IMPG1: variants seen among roughly 807,000 people sequenced by gnomAD.
The protein encoded by IMPG1 is interphotoreceptor matrix proteoglycan of 150 kDa.
A neutral mutation model predicts 92.0 loss-of-function variants in IMPG1; 85 were observed. That is an observed-to-expected ratio of 0.92 (90% CI 0.78 to 1.11). The LOEUF (loss-of-function observed/expected upper bound fraction) is 1.11. Among genes scored for constraint, IMPG1 ranks in the 50% least tolerant of loss-of-function variants. The probability of loss-of-function intolerance (pLI) is 0.00; values close to 1 mark genes in which losing one functional copy is unlikely to be tolerated. For synonymous variants in IMPG1, 367 were observed against 334.1 expected, an observed-to-expected ratio of 1.10 and a Z score of -1.08; for missense variants, 1,022 against 956.0, an observed-to-expected ratio of 1.07 and a Z score of -0.91.
intron 4 of IMPG1, among the ~76,000 whole-genome samples, chr6:76,025,665 T>C (rs1235681590): frequency 6.6e-6 from 1 of 152,190 alleles, no homozygotes; most frequent in East Asian, 1.9e-4. Context: ...AGCCTGCATA[T>C]CCAGAGTCAT....
At chr6:75,987,472 C>T (rs982658412) in intron 12 of IMPG1, among the ~76,000 whole-genome samples, 3 of 149,122 alleles carry the variant, frequency 2.0e-5, no homozygotes, top group Admixed American at 1.3e-4. Context: ...GCCCCCACCC[C>T]ACCACAGGCT....
chr6:76,049,198 G>A (rs577242101), intron 1 of IMPG1, among the ~76,000 whole-genome samples: 57 of 152,304 alleles, frequency 3.7e-4, no homozygotes, highest in Admixed American at 1.1e-3. Flanking sequence ...TCAGAGAGTG[G>A]AGGGTGGTTG....
chr6:76,004,078 G>A (rs2149477206), intron 10 of IMPG1, 128 bp from the exon 11 acceptor site: 2 of 634,230 alleles, frequency 3.2e-6, no homozygotes, highest in East Asian at 2.9e-5. Context: ...CAAATCATTA[G>A]GAAACCAGAG....
intron 9 of IMPG1, among the ~76,000 whole-genome samples, chr6:76,006,386 T>C (rs1290116370): frequency 6.8e-6 from 1 of 147,780 alleles, no homozygotes; most frequent in South Asian, 2.1e-4. Context: ...ATATGTAAAA[T>C]ATATATATAT....
Position 76,025,241 on chromosome 6 carries a change from G to A in IMPG1, c.515C>T (p.Ala172Val), listed in dbSNP as rs1334512351. Residue 172 changes from alanine to valine, a missense_variant, in exon 5 of 17, where the codon GCA (alanine) becomes GTA (valine). By Grantham distance (64) the Ala-to-Val change is moderately conservative (BLOSUM62 0). Around this residue, in one of 3 missense-constraint regions of IMPG1, gnomAD observed 681 missense variants for 583.6 expected, o/e 1.17. Transcript: ENST00000369950. ...ACCAGGCTCTCCCAATGTCTTCTCT[G>A]CAGATATTTCATCTTTTCTATTAGT... ...SFPDRKDEIS[A>V]EKTLGEPGET... 2 of 1,594,242 alleles carry A rather than the reference G, an allele frequency of 1.3e-6. No homozygotes were observed. Among genetic ancestry groups the A allele is most frequent in the African/African-American group, 1.3e-5 (1 of 74,490 alleles).
intron 1 of IMPG1, among the ~76,000 whole-genome samples, chr6:76,042,777 T>A (rs977889520): frequency 6.6e-6 from 1 of 152,164 alleles, no homozygotes; most frequent in Non-Finnish European, 1.5e-5. Flanking sequence ...TGGCAGAGAA[T>A]GTAACTCTCT....
At chr6:75,993,516 AAGAG>A (rs963983357) in intron 12 of IMPG1, among the ~76,000 whole-genome samples, 4 of 151,498 alleles carry the variant, frequency 2.6e-5, no homozygotes, top group Non-Finnish European at 1.5e-5. Context: ...GAGAGAAAGA[AAGAG>A]AGAGAGAGAA....
chr6:75,983,946 GC>G (rs1316074946), intron 12 of IMPG1, among the ~76,000 whole-genome samples: 27 of 152,120 alleles, frequency 1.8e-4, no homozygotes, highest in Non-Finnish European at 1.9e-4. Flanking sequence ...CACCCAAATG[GC>G]CAACAGGTAT....
intron 15 of IMPG1, among the ~76,000 whole-genome samples, chr6:75,924,500 A>ATATAATTAATATAATTATATAT (rs1781490279): frequency 3.5e-5 from 3 of 86,732 alleles, no homozygotes; most frequent in Non-Finnish European, 6.4e-5. Flanking sequence ...TAATATAATT[A>ATATAATTAATATAATTATATAT]TATAATATAA....
intron 12 of IMPG1, among the ~76,000 whole-genome samples, chr6:75,974,380 TTTCTTTCTTTCTTTTC>T (rs1469806535): frequency 1.3e-4 from 10 of 76,366 alleles, no homozygotes; most frequent in African/African-American, 4.1e-4. Context: ...TCTTTCTTTC[TTTCTTTCTTTCTTTTC>T]TTTCTTTCCT....
intron 1 of IMPG1, among the ~76,000 whole-genome samples, chr6:76,058,572 TGTTCTGTGCAGAATGAA>T (rs1784156845): frequency 1.3e-5 from 2 of 152,198 alleles, no homozygotes; most frequent in Admixed American, 1.3e-4. Flanking sequence ...GTGGCAGAGC[TGTTCTGTGCAGAATGAA>T]GTTCTGTGCA....
chr6:75,967,911 A>G (rs1782335777), intron 12 of IMPG1, among the ~76,000 whole-genome samples: 1 of 152,174 alleles, frequency 6.6e-6, no homozygotes, highest in East Asian at 1.9e-4. Flanking sequence ...GAGCTATGGA[A>G]CCCATGAACC....
At chr6:75,949,833 T>C (rs1781993659) in intron 13 of IMPG1, among the ~76,000 whole-genome samples, 1 of 152,190 alleles carries the variant, frequency 6.6e-6, no homozygotes, top group Non-Finnish European at 1.5e-5. Context: ...GTGTAATAAT[T>C]TAACTTATAT....
At chr6:75,994,162 C>A (rs1782860386) in intron 12 of IMPG1, among the ~76,000 whole-genome samples, 1 of 152,176 alleles carries the variant, frequency 6.6e-6, no homozygotes, top group East Asian at 1.9e-4. Flanking sequence ...ATATGCCAAA[C>A]ACCCAAAACT....
At chr6:76,018,510 G>A (rs1042286203) in intron 7 of IMPG1, among the ~76,000 whole-genome samples, 2 of 152,190 alleles carry the variant, frequency 1.3e-5, no homozygotes, top group Non-Finnish European at 2.9e-5. Flanking sequence ...TGCAAGTTTT[G>A]AGAATAGAAA....
intron 1 of IMPG1, among the ~76,000 whole-genome samples, chr6:76,063,451 T>C (rs900046886): frequency 6.6e-6 from 1 of 152,158 alleles, no homozygotes. Context: ...GGAGTGTTTT[T>C]GTTTCTCCTT....
At chr6:75,974,786 G>C (rs1485604908) in intron 12 of IMPG1, among the ~76,000 whole-genome samples, 1 of 152,034 alleles carries the variant, frequency 6.6e-6, no homozygotes, top group Non-Finnish European at 1.5e-5. Context: ...AAAGTGCTGG[G>C]ACTGCAGGCA....
At chr6:75,946,068 T>C (rs2149455654) in intron 14 of IMPG1, among the ~76,000 whole-genome samples, 1 of 152,328 alleles carries the variant, frequency 6.6e-6, no homozygotes, top group Non-Finnish European at 1.5e-5. Flanking sequence ...TGATCCTAAC[T>C]GGCAAAGACC....
intron 1 of IMPG1, among the ~76,000 whole-genome samples, chr6:76,068,234 A>G (rs542223019): frequency 6.6e-5 from 10 of 152,328 alleles, no homozygotes; most frequent in Admixed American, 2.0e-4. Context: ...ATTGGAAAAG[A>G]AGGAGTCGAA....
Sources: allele counts gnomAD v4.1 joint callset (sites outside exome capture counted in the v4.1 genomes callset), GRCh38; gene constraint gnomAD v4.1.1; regional missense constraint gnomAD v4.1.1; transcripts MANE v1.5; gene names NCBI Gene and HGNC (gene_info 2026-07-23, HGNC 2026-07-21).